SPMIP8: variants seen among roughly 807,000 people sequenced by gnomAD.
SPMIP8 encodes the protein sperm microtubule inner protein 8, also known as testicular tissue protein Li 196.
chr16:57,981,407 A>T, the SPMIP8 span, among the ~76,000 whole-genome samples: 2,599 of 56,270 alleles, frequency 0.046, 71 homozygotes, highest in African/African-American at 0.076. Flanking sequence ...TTATTATTAT[A>T]ATAATAATTA....
At chr16:57,977,824 G>A in the SPMIP8 span, 103 of 1,612,838 alleles carry the variant, frequency 6.4e-5, no homozygotes, top group Middle Eastern at 1.6e-3. Flanking sequence ...GCTATGGCCC[G>A]CATCATTGAC....
At chr16:57,981,855 G>A in the SPMIP8 span, among the ~76,000 whole-genome samples, 89 of 152,124 alleles carry the variant, frequency 5.9e-4, no homozygotes, top group African/African-American at 2.0e-3. Context: ...TGTCTAAACC[G>A]CAAAAAGGCA....
chr16:57,980,707 T>C, the SPMIP8 span, among the ~76,000 whole-genome samples: 1 of 152,210 alleles, frequency 6.6e-6, no homozygotes, highest in Non-Finnish European at 1.5e-5. Context: ...TTTTGTTTTG[T>C]TTTTTTAGAC....
the SPMIP8 span, chr16:57,977,867 G>A: frequency 3.1e-6 from 5 of 1,614,048 alleles, no homozygotes; most frequent in East Asian, 2.2e-5. Flanking sequence ...CCACACATGT[G>A]TATGCCTCCC....
At chr16:57,984,766 T>C in the SPMIP8 span, 1 of 1,608,618 alleles carries the variant, frequency 6.2e-7, no homozygotes, top group Middle Eastern at 1.7e-4. Flanking sequence ...TCCCACTTCG[T>C]GTCCTCGGCC....
chr16:57,987,321 C>G, the SPMIP8 span: 1 of 1,388,876 alleles, frequency 7.2e-7, no homozygotes, highest in Non-Finnish European at 9.4e-7. Flanking sequence ...GTTTTCAGAT[C>G]CTAGAGGGGA....
chr16:57,980,013 G>A, the SPMIP8 span, among the ~76,000 whole-genome samples: 12 of 152,332 alleles, frequency 7.9e-5, no homozygotes, highest in Middle Eastern at 3.4e-3. Context: ...GCGATGAGCC[G>A]AGATGGAGCC....
At chr16:57,985,156 T>C in the SPMIP8 span, 1 of 1,317,080 alleles carries the variant, frequency 7.6e-7, no homozygotes, top group Non-Finnish European at 9.6e-7. Flanking sequence ...AGGCGGGGCT[T>C]GTCCTGGGGG....
chr16:57,982,944 C>A, the SPMIP8 span, among the ~76,000 whole-genome samples: 5 of 152,232 alleles, frequency 3.3e-5, no homozygotes, highest in African/African-American at 1.2e-4. Flanking sequence ...GCGTGAGAAT[C>A]GCTTGAACCT....
the SPMIP8 span, chr16:57,985,652 G>A: frequency 6.9e-7 from 1 of 1,447,588 alleles, no homozygotes; most frequent in Admixed American, 2.5e-5. Context: ...CGTGAGAACT[G>A]GGAAAAATTG....
chr16:57,981,235 G>T, the SPMIP8 span, among the ~76,000 whole-genome samples: 1 of 151,396 alleles, frequency 6.6e-6, no homozygotes, highest in African/African-American at 2.4e-5. Flanking sequence ...ACAAAAATTA[G>T]CCAGGTGTGG....
chr16:57,983,898 C>G, the SPMIP8 span, among the ~76,000 whole-genome samples: 1 of 152,034 alleles, frequency 6.6e-6, no homozygotes, highest in Non-Finnish European at 1.5e-5. Context: ...CAAGTGTGAG[C>G]TACCGTGCCC....
the SPMIP8 span, among the ~76,000 whole-genome samples, chr16:57,976,804 T>C: frequency 0.85 from 129,060 of 152,034 alleles, 55,543 homozygotes; most frequent in African/African-American, 0.95. Flanking sequence ...CACCCTAGCT[T>C]CCACCTCCAC....
chr16:57,980,600 A>C, the SPMIP8 span, among the ~76,000 whole-genome samples: 1 of 152,222 alleles, frequency 6.6e-6, no homozygotes, highest in East Asian at 1.9e-4. Flanking sequence ...TAATTGTTTT[A>C]ATATTGCTTA....
chr16:57,987,134 C>T, the SPMIP8 span: 5 of 407,990 alleles, frequency 1.2e-5, no homozygotes, highest in Non-Finnish European at 2.2e-5. Flanking sequence ...AGAGTAGGTT[C>T]ACTAAATGAT....
chr16:57,984,861 T>A, the SPMIP8 span: 1 of 1,540,352 alleles, frequency 6.5e-7, no homozygotes, highest in Non-Finnish European at 8.8e-7. Flanking sequence ...GCCGCGGGGC[T>A]GGAGCAGGGA....
the SPMIP8 span, chr16:57,987,300 C>T: frequency 7.8e-7 from 1 of 1,289,282 alleles, no homozygotes; most frequent in Non-Finnish European, 1.0e-6. Flanking sequence ...TAGAGGCTGG[C>T]TGGAAGCTGT....
the SPMIP8 span, chr16:57,985,963 G>A: frequency 2.5e-6 from 4 of 1,595,090 alleles, no homozygotes; most frequent in South Asian, 2.2e-5. Context: ...GTCCTGTCCC[G>A]CCCCACAGCC....
At chr16:57,978,515 G>A in the SPMIP8 span, among the ~76,000 whole-genome samples, 1 of 151,812 alleles carries the variant, frequency 6.6e-6, no homozygotes, top group Non-Finnish European at 1.5e-5. Flanking sequence ...ACTCCAGCCT[G>A]GGCAACAAGA....
Sources: gnomAD v4.1 joint callset for allele counts (sites outside exome capture counted in the v4.1 genomes callset) on GRCh38, gnomAD v4.1.1 for gene constraint, MANE v1.5 for transcripts, NCBI Gene and HGNC (gene_info 2026-07-23, HGNC 2026-07-21) for gene names.